TNFSF4: variants seen among roughly 807,000 people sequenced by gnomAD.
The protein encoded by TNFSF4 is tumor necrosis factor ligand superfamily member 4.
In TNFSF4, 4 loss-of-function variants were observed where a neutral mutation model predicts 7.3. That is an observed-to-expected ratio of 0.55 (90% CI 0.27 to 1.25). TNFSF4 has a LOEUF of 1.25. Ranked by LOEUF, TNFSF4 falls within the 50% of genes most tolerant of loss-of-function variation. The pLI, the probability that TNFSF4 is intolerant of heterozygous loss-of-function variation, is 0.12. For synonymous variants in TNFSF4, 76 were observed against 83.7 expected (o/e 0.91, Z 0.50); for missense variants, 181 against 208.8 (o/e 0.87, Z 0.82).
At chr1:173,259,961 C>T in the TNFSF4 span, among the ~76,000 whole-genome samples, 27 of 152,116 alleles carry the variant, frequency 1.8e-4, no homozygotes, top group African/African-American at 6.3e-4. Context: ...GCAAGACAGA[C>T]CAACATTCAA....
intron 1 of TNFSF4, among the ~76,000 whole-genome samples, chr1:173,194,335 A>G (rs955789195): frequency 1.3e-5 from 2 of 152,234 alleles, no homozygotes; most frequent in Admixed American, 1.3e-4. Context: ...AGAACATACA[A>G]TCCTTACTTT....
the TNFSF4 span, among the ~76,000 whole-genome samples, chr1:173,267,754 T>C: frequency 6.6e-6 from 1 of 151,932 alleles, no homozygotes; most frequent in African/African-American, 2.4e-5. Context: ...AGTCAGTCCT[T>C]CATCAGATTG....
the TNFSF4 span, among the ~76,000 whole-genome samples, chr1:173,421,658 C>A: frequency 6.6e-6 from 1 of 152,018 alleles, no homozygotes; most frequent in Non-Finnish European, 1.5e-5. Flanking sequence ...GTCTTCCTTG[C>A]CAATTTATCG....
chr1:173,430,432 A>G, the TNFSF4 span, among the ~76,000 whole-genome samples: 10 of 152,238 alleles, frequency 6.6e-5, no homozygotes, highest in African/African-American at 2.2e-4. Flanking sequence ...AGTTGAGACA[A>G]TAAACATTTA....
the TNFSF4 span, among the ~76,000 whole-genome samples, chr1:173,373,814 C>T: frequency 6.6e-6 from 1 of 152,208 alleles, no homozygotes; most frequent in Non-Finnish European, 1.5e-5. Flanking sequence ...AAGCCTGCCC[C>T]TGCAAGACAG....
the TNFSF4 span, among the ~76,000 whole-genome samples, chr1:173,405,131 G>A: frequency 6.6e-6 from 1 of 152,122 alleles, no homozygotes. Flanking sequence ...GCTCACTGAT[G>A]CATCCCAAGT....
the TNFSF4 span, among the ~76,000 whole-genome samples, chr1:173,226,708 A>G: frequency 6.6e-6 from 1 of 152,168 alleles, no homozygotes; most frequent in East Asian, 1.9e-4. Context: ...TAGTCATGCT[A>G]TCATCTCGAC....
the TNFSF4 span, among the ~76,000 whole-genome samples, chr1:173,420,899 T>G: frequency 1.6e-4 from 25 of 152,232 alleles, no homozygotes; most frequent in Non-Finnish European, 3.4e-4. Context: ...GGCTCCTGTA[T>G]GGCCAATTGT....
the TNFSF4 span, among the ~76,000 whole-genome samples, chr1:173,310,479 T>G: frequency 6.6e-6 from 1 of 151,906 alleles, no homozygotes; most frequent in African/African-American, 2.4e-5. Context: ...TGTAATTGAT[T>G]TTTTGCTTTA....
the TNFSF4 span, among the ~76,000 whole-genome samples, chr1:173,449,449 G>C: frequency 6.6e-6 from 1 of 151,474 alleles, no homozygotes; most frequent in East Asian, 1.9e-4. Context: ...CATCTTCCTG[G>C]CTCAAAGAAT....
the TNFSF4 span, among the ~76,000 whole-genome samples, chr1:173,448,849 G>A: frequency 6.6e-6 from 1 of 152,164 alleles, no homozygotes; most frequent in Non-Finnish European, 1.5e-5. Context: ...GCTTGGCTTG[G>A]GCTCAGAGGC....
the TNFSF4 span, among the ~76,000 whole-genome samples, chr1:173,225,531 G>T: frequency 6.6e-6 from 1 of 152,168 alleles, no homozygotes; most frequent in Non-Finnish European, 1.5e-5. Flanking sequence ...TCTTTCATAA[G>T]AAAAGGGACT....
chr1:173,381,451 T>A, the TNFSF4 span, among the ~76,000 whole-genome samples: 1 of 152,196 alleles, frequency 6.6e-6, no homozygotes, highest in African/African-American at 2.4e-5. Context: ...ATGACAGCCA[T>A]CTTGCTATTA....
chr1:173,238,725 T>A, the TNFSF4 span, among the ~76,000 whole-genome samples: 1 of 149,262 alleles, frequency 6.7e-6, no homozygotes, highest in Non-Finnish European at 1.5e-5. Flanking sequence ...CCAGTCAGAA[T>A]GGCTATTACT....
chr1:173,208,816 C>G (rs1028702234), upstream of TNFSF4, among the ~76,000 whole-genome samples: 12 of 148,624 alleles, frequency 8.1e-5, no homozygotes, highest in African/African-American at 3.0e-4. Context: ...ACTATTTACT[C>G]GTCAATTTTC....
downstream of TNFSF4, among the ~76,000 whole-genome samples, chr1:173,179,206 A>G (rs1020512476): frequency 6.6e-6 from 1 of 152,224 alleles, no homozygotes; most frequent in African/African-American, 2.4e-5. Flanking sequence ...TTAGTCTCAA[A>G]GAGTCTGATG....
At chr1:173,319,474 G>A in the TNFSF4 span, among the ~76,000 whole-genome samples, 2 of 152,132 alleles carry the variant, frequency 1.3e-5, no homozygotes, top group East Asian at 3.9e-4. Flanking sequence ...TCCTGACAAG[G>A]GTGATTCTCC....
At chr1:173,332,197 T>C in the TNFSF4 span, among the ~76,000 whole-genome samples, 2 of 152,234 alleles carry the variant, frequency 1.3e-5, no homozygotes, top group Admixed American at 6.5e-5. Context: ...TTCACTGTCC[T>C]CTGATCCAGC....
At chr1:173,383,139 ATTAGCTG>A in the TNFSF4 span, among the ~76,000 whole-genome samples, 6 of 152,136 alleles carry the variant, frequency 3.9e-5, no homozygotes, top group Admixed American at 6.6e-5. Flanking sequence ...GGGGGATCTA[ATTAGCTG>A]CTAGTGAGTA....
Sources: allele counts gnomAD v4.1 joint callset (sites outside exome capture counted in the v4.1 genomes callset), GRCh38; gene constraint gnomAD v4.1.1; transcripts MANE v1.5; gene names NCBI Gene and HGNC (gene_info 2026-07-23, HGNC 2026-07-21).